The following NCKAP5 variants were observed in gnomAD, a reference collection of about 807,000 sequenced individuals.
NCKAP5 encodes the protein NCK associated protein 5.
A neutral mutation model predicts 167.0 loss-of-function variants in NCKAP5; 92 were observed. The ratio of observed to expected loss-of-function variants is 0.55; its 90% CI spans 0.47 to 0.66. The LOEUF (loss-of-function observed/expected upper bound fraction) is 0.66, where lower values mean the gene tolerates loss of function less well. Ranked by LOEUF, NCKAP5 falls within the 30% of genes least tolerant of loss-of-function variation. The pLI, the probability that NCKAP5 is intolerant of heterozygous loss-of-function variation, is 0.00. For synonymous variants in NCKAP5, 891 were observed against 877.4 expected (o/e 1.02, Z -0.27); for missense variants, 2,378 against 2,315.0 (o/e 1.03, Z -0.56).
rs961054633 is a variant in NCKAP5, at chr2:133,394,568, T to A, written c.70-91458A>T. On this transcript the variant is annotated intron_variant, in intron 3 of 19. Coordinates refer to ENST00000409261, the MANE Select transcript of NCKAP5 (RefSeq NM_207363.3). ...AGTGTTCATCCTAAGAAGTTTCTTA[T>A]AGCAAAGCTTTAGATATTATAACCC... 2.0e-5 allele frequency among the ~76,000 whole-genome samples: 3 copies of A among 152,228 alleles called. No homozygotes were observed. The East Asian group carries it at 5.8e-4, about 29-fold the overall frequency.
intron 5 of NCKAP5, among the ~76,000 whole-genome samples, chr2:133,136,412 C>A (rs150650816): frequency 6.6e-6 from 1 of 152,138 alleles, no homozygotes; most frequent in African/African-American, 2.4e-5. Flanking sequence ...ATATATTTGA[C>A]GAAACATATC....
Position 133,293,518 on chromosome 2 carries a change from C to G in NCKAP5, c.143+9519G>C. Among the ~76,000 whole-genome samples, 2 of 152,114 alleles carry G rather than the reference C, an allele frequency of 1.3e-5. 1 individual carries two copies. Among genetic ancestry groups the G allele is most frequent in the Non-Finnish European group, 2.9e-5 (2 of 68,016 alleles). On this transcript the variant is annotated intron_variant, in intron 4 of 19. Coordinates refer to ENST00000409261, the MANE Select transcript of NCKAP5 (RefSeq NM_207363.3). Reference sequence around the variant, plus strand: ...GTAGTTCTACTAAACCCTGTTGTTGCTGGAAGAAAGGTTCTTGGAAGACAG... The same window carrying G: ...GTAGTTCTACTAAACCCTGTTGTTGGTGGAAGAAAGGTTCTTGGAAGACAG...
chr2:133,184,798 T>A (rs1190974069), intron 5 of NCKAP5, among the ~76,000 whole-genome samples: 2 of 152,132 alleles, frequency 1.3e-5, no homozygotes, highest in African/African-American at 4.8e-5. Context: ...CTTTGCCCAC[T>A]TTTTAAGGGG....
chr2:133,424,488 T>G (rs1689669986), intron 3 of NCKAP5, among the ~76,000 whole-genome samples: 1 of 152,214 alleles, frequency 6.6e-6, no homozygotes, highest in East Asian at 1.9e-4. Flanking sequence ...CTTTTTGAAA[T>G]AGCTATCATT....
chr2:133,275,084 G>T (rs996849885), intron 4 of NCKAP5, among the ~76,000 whole-genome samples: 4 of 149,692 alleles, frequency 2.7e-5, no homozygotes, highest in Non-Finnish European at 5.9e-5. Context: ...GGGAAAAAGT[G>T]AAAAAAAAAG....
intron 5 of NCKAP5, among the ~76,000 whole-genome samples, chr2:133,201,901 C>G (rs1048919127): frequency 6.6e-5 from 10 of 151,970 alleles, no homozygotes; most frequent in Non-Finnish European, 8.8e-5. Context: ...CAAACAAATG[C>G]AAGAACATTC....
At chr2:133,348,586 C>T (rs1205457086) in intron 3 of NCKAP5, among the ~76,000 whole-genome samples, 1 of 152,092 alleles carries the variant, frequency 6.6e-6, no homozygotes, top group East Asian at 1.9e-4. Context: ...CATTAGCCCA[C>T]ACGTCATACT....
At chr2:133,278,628 T>A (rs887782138) in intron 4 of NCKAP5, among the ~76,000 whole-genome samples, 12 of 152,126 alleles carry the variant, frequency 7.9e-5, no homozygotes, top group Non-Finnish European at 1.6e-4. Context: ...ATGTATTTTT[T>A]TGTGGGTAAT....
chr2:132,855,360 C>T (rs1445280732), intron 11 of NCKAP5, among the ~76,000 whole-genome samples: 2 of 152,210 alleles, frequency 1.3e-5, no homozygotes, highest in African/African-American at 2.4e-5. Flanking sequence ...GATACTCTGC[C>T]ATCTGAGCCC....
intron 5 of NCKAP5, among the ~76,000 whole-genome samples, chr2:133,144,040 G>C (rs1341954454): frequency 6.6e-6 from 1 of 152,118 alleles, no homozygotes; most frequent in Non-Finnish European, 1.5e-5. Context: ...GTAGGGTATA[G>C]AAGAGTTCCA....
intron 16 of NCKAP5, among the ~76,000 whole-genome samples, chr2:132,733,029 C>T (rs1256255367): frequency 6.6e-6 from 1 of 152,218 alleles, no homozygotes; most frequent in Non-Finnish European, 1.5e-5. Context: ...TCCCACTATT[C>T]TCTAGAACAA....
chr2:132,858,091 T>G (rs1318832208), intron 11 of NCKAP5, among the ~76,000 whole-genome samples: 4 of 152,088 alleles, frequency 2.6e-5, no homozygotes, highest in African/African-American at 7.2e-5. Flanking sequence ...TTAGGCTGTA[T>G]TCAACAAATA....
intron 6 of NCKAP5, among the ~76,000 whole-genome samples, chr2:133,033,022 A>C (rs1283467650): frequency 1.3e-5 from 2 of 152,170 alleles, no homozygotes; most frequent in Non-Finnish European, 2.9e-5. Flanking sequence ...CAACATTGGC[A>C]ATTACGATTA....
At chr2:132,963,049 A>G (rs1573565147) in intron 8 of NCKAP5, among the ~76,000 whole-genome samples, 1 of 152,124 alleles carries the variant, frequency 6.6e-6, no homozygotes, top group African/African-American at 2.4e-5. Flanking sequence ...GTCTTTAAGC[A>G]TGTGACATTT....
At position 132,963,823 on chromosome 2, in the gene NCKAP5, T is replaced by A; in HGVS notation, c.476A>T (p.Asp159Val). ...ATCCTCATCAACCACCATGTGAAGA[T>A]CTTCCAAAGCTTCCTTATGTTTTCT... The part of the protein sequence containing the change: ...EERKHKEALE[D>V]LHMVVDEDSR... The change falls in exon 8 of 20, where the codon GAT becomes GTT. Residue 159 changes from aspartate (D) to valine (V), a missense_variant. Physicochemically the swap from Asp to Val is radical, Grantham distance 152 (BLOSUM62 -3). This residue lies in a region of NCKAP5 where 1,049 missense variants were observed against 1,023.4 expected (regional missense o/e 1.02). Coordinates refer to ENST00000409261, the MANE Select transcript of NCKAP5 (RefSeq NM_207363.3). 1.9e-6 allele frequency: 3 copies of A among 1,613,966 alleles called. No individual in the cohort carries two copies. The highest frequency in any genetic ancestry group is 1.7e-6 in the Non-Finnish European group (2 of 1,179,874).
At chr2:133,495,161 C>T (rs1419181759) in intron 3 of NCKAP5, among the ~76,000 whole-genome samples, 1 of 152,184 alleles carries the variant, frequency 6.6e-6, no homozygotes, top group Admixed American at 6.5e-5. Flanking sequence ...ACTGAACCAA[C>T]ATACATCTTA....
chr2:132,938,490 G>C, intron 8 of NCKAP5, among the ~76,000 whole-genome samples: 1 of 152,136 alleles, frequency 6.6e-6, no homozygotes, highest in East Asian at 1.9e-4. Flanking sequence ...ATGCCTGTCT[G>C]GCTACTGGCT....
chr2:133,130,717 G>A (rs1574123131), intron 5 of NCKAP5, among the ~76,000 whole-genome samples: 2 of 152,184 alleles, frequency 1.3e-5, no homozygotes, highest in South Asian at 4.1e-4. Flanking sequence ...ACTGAAAGAG[G>A]AACTGGATGA....
intron 8 of NCKAP5, among the ~76,000 whole-genome samples, chr2:132,910,624 A>G (rs534761291): frequency 2.6e-5 from 4 of 152,056 alleles, no homozygotes; most frequent in Non-Finnish European, 5.9e-5. Flanking sequence ...GCTGAATAGT[A>G]CTCCATTGTA....
Sources: allele counts gnomAD v4.1 joint callset (sites outside exome capture counted in the v4.1 genomes callset), GRCh38; gene constraint gnomAD v4.1.1; regional missense constraint gnomAD v4.1.1; transcripts MANE v1.5; gene names NCBI Gene and HGNC (gene_info 2026-07-23, HGNC 2026-07-21).